Variants in ANKRD34C observed in about 807,000 individuals in gnomAD.
The protein encoded by ANKRD34C is ankyrin repeat domain 34C.
For missense variants in ANKRD34C, 563 were observed against 653.0 expected, an observed-to-expected ratio of 0.86 and a Z score of 1.50; for synonymous variants, 260 against 253.6, an observed-to-expected ratio of 1.03 and a Z score of -0.24.
rs1231930284 is a variant in ANKRD34C, at chr15:79,295,311, C to A, written c.*419C>A. Reference sequence around the variant, plus strand: ...AACATTTGTTAGAATGTACAAAAGCCCCAAACCAAACCCTCAGTGACTAAA... The same window carrying A: ...AACATTTGTTAGAATGTACAAAAGCACCAAACCAAACCCTCAGTGACTAAA... On this transcript the variant is annotated 3_prime_UTR_variant, in exon 2 of 2. Coordinates refer to ENST00000421388, the MANE Select transcript of ANKRD34C (RefSeq NM_001146341.2). 2 of 175,952 alleles carry A rather than the reference C, an allele frequency of 1.1e-5. No individual in the cohort carries two copies. Among genetic ancestry groups the A allele is most frequent in the Non-Finnish European group, 2.7e-5 (2 of 73,572 alleles). The allele number at this position is 175,952 out of a possible 1,614,324, so 10.9% of individuals were successfully genotyped here. A position where few individuals can be genotyped will look rare whatever the true frequency, so the allele number is the denominator to read the frequency against.
chr15:79,291,537 AAGAG>A (rs1390019364), intron 1 of ANKRD34C, among the ~76,000 whole-genome samples: 8 of 142,898 alleles, frequency 5.6e-5, no homozygotes, highest in Non-Finnish European at 1.1e-4. Context: ...AATTGACAGA[AAGAG>A]AGGAGAGAAA....
intron 1 of ANKRD34C, among the ~76,000 whole-genome samples, chr15:79,292,283 A>G (rs971919049): frequency 2.0e-5 from 3 of 152,180 alleles, no homozygotes; most frequent in African/African-American, 7.2e-5. Flanking sequence ...ATCTCTTCTT[A>G]TTTGTGAAGG....
chr15:79,285,322 G>A (rs1260105889), intron 1 of ANKRD34C, among the ~76,000 whole-genome samples: 2 of 152,102 alleles, frequency 1.3e-5, no homozygotes, highest in Non-Finnish European at 2.9e-5. Flanking sequence ...TGCCCTCTGT[G>A]AGATCTTCAC....
In ANKRD34C at chr15:79,293,710, C is replaced by G; in HGVS notation, c.426C>G (p.Cys142Trp). ...CATTGAAGCATCTCCTTGATGCCTGCAAAGCCAAAGGGAAGGAGGTGATTA... is the reference window on the plus strand; with the variant it reads ...CATTGAAGCATCTCCTTGATGCCTGGAAAGCCAAAGGGAAGGAGGTGATTA... ...KDALKHLLDA[C>W]KAKGKEVIII... The change falls in exon 2 of 2, where the codon TGC becomes TGG. Residue 142 changes from cysteine (C) to tryptophan (W), a missense_variant. Cys to Trp is a radical substitution (Grantham distance 215). Transcript: ENST00000421388. The G allele has an allele frequency of 6.4e-7, 1 of 1,551,638 alleles. No individual in the cohort carries two copies. The highest frequency in any genetic ancestry group is 1.4e-5 in the African/African-American group (1 of 73,162).
At chr15:79,292,964 C>G (rs1304168495) in intron 1 of ANKRD34C, among the ~76,000 whole-genome samples, 3 of 152,202 alleles carry the variant, frequency 2.0e-5, no homozygotes, top group Non-Finnish European at 4.4e-5. Flanking sequence ...CTATGTTAGG[C>G]TTTATGTTAA....
intron 1 of ANKRD34C, among the ~76,000 whole-genome samples, chr15:79,285,614 C>A (rs1269505544): frequency 6.6e-6 from 1 of 152,224 alleles, no homozygotes; most frequent in Non-Finnish European, 1.5e-5. Context: ...ATTTTACTTT[C>A]ATACACAAAC....
chr15:79,290,950 T>C (rs1366499140), intron 1 of ANKRD34C, among the ~76,000 whole-genome samples: 1 of 152,200 alleles, frequency 6.6e-6, no homozygotes. Flanking sequence ...AATGGTATTT[T>C]GTTTTGCTTT....
In ANKRD34C at chr15:79,296,454, A is replaced by G. The variant is rs1431720050; in HGVS notation, c.*1562A>G. The stretch of plus-strand genomic sequence containing the variant: ...GCTGAAGCAATATCTCAAATAATAC[A>G]TACGCTACACAAAATGGAATAAAGT... On this transcript the variant is annotated 3_prime_UTR_variant, in exon 2 of 2. Coordinates refer to ENST00000421388, the MANE Select transcript of ANKRD34C (RefSeq NM_001146341.2). 1 of 167,166 alleles carries G rather than the reference A, an allele frequency of 6.0e-6. No homozygotes were observed. The highest frequency in any genetic ancestry group is 1.5e-5 in the Non-Finnish European group (1 of 68,132). 10.4% of individuals were successfully genotyped at this position (167,166 alleles called of 1,614,324 possible).
rs1326759471 is a variant in ANKRD34C, at chr15:79,296,099, T to G, written c.*1207T>G. On this transcript the variant is annotated 3_prime_UTR_variant, in exon 2 of 2. Transcript: ENST00000421388. ...TTTGGTTATTTCCATTTATGTTTCC[T>G]CTCGTGCTGCTGAGATCTATTTGCT... 1 of 167,122 alleles carries G rather than the reference T, an allele frequency of 6.0e-6. No individual in the cohort carries two copies. The highest frequency in any genetic ancestry group is 1.5e-5 in the Non-Finnish European group (1 of 68,132). The allele number at this position is 167,122 out of a possible 1,614,324, so 10.4% of individuals were successfully genotyped here.
chr15:79,293,709 G>A lies in ANKRD34C; in HGVS notation c.425G>A (p.Cys142Tyr). 1 of 1,551,662 alleles carries A rather than the reference G, an allele frequency of 6.4e-7. No homozygotes were observed. The highest frequency in any genetic ancestry group is 1.2e-5 in the South Asian group (1 of 84,046). ...KDALKHLLDA[C>Y]KAKGKEVIII... ...GCATTGAAGCATCTCCTTGATGCCT[G>A]CAAAGCCAAAGGGAAGGAGGTGATT... Residue 142 changes from cysteine to tyrosine, a missense_variant, in exon 2 of 2, where the codon TGC becomes TAC. Coordinates refer to ENST00000421388, the MANE Select transcript of ANKRD34C (RefSeq NM_001146341.2).
intron 1 of ANKRD34C, among the ~76,000 whole-genome samples, chr15:79,284,505 A>G (rs541377156): frequency 6.6e-6 from 1 of 152,172 alleles, no homozygotes; most frequent in South Asian, 2.1e-4. Flanking sequence ...GCAAACTGGG[A>G]ATTGTGGTTG....
At position 79,296,499 on chromosome 15, in the gene ANKRD34C, T is replaced by C. The variant is rs1277435634; in HGVS notation, c.*1607T>C. 6.0e-6 allele frequency: 1 copy of C among 167,130 alleles called. No individual in the cohort carries two copies. The highest frequency in any genetic ancestry group is 1.5e-5 in the Non-Finnish European group (1 of 68,126). 10.4% of individuals were successfully genotyped at this position (167,130 alleles called of 1,614,324 possible). A position where few individuals can be genotyped will look rare whatever the true frequency, so the allele number is the denominator to read the frequency against. On this transcript the variant is annotated 3_prime_UTR_variant, in exon 2 of 2. Transcript: ENST00000421388. ...TAAAGTTTCTCTGGAAAAGTTCAAG[T>C]ATCTCTATGAGATCCCCAGTTATTT...
chr15:79,296,414 G>A lies in ANKRD34C; in HGVS notation c.*1522G>A, dbSNP rs1375848547. ...TGGATAAGAAGTAGCTAATTTTAAT[G>A]TATTTCTTGAGACTGCTGAAGCAAT... On this transcript the variant is annotated 3_prime_UTR_variant, in exon 2 of 2. Transcript: ENST00000421388. The A allele has an allele frequency of 6.0e-6, 1 of 167,080 alleles. No individual in the cohort carries two copies. Among genetic ancestry groups the A allele is most frequent in the Non-Finnish European group, 1.5e-5 (1 of 68,116 alleles). 10.3% of individuals were successfully genotyped at this position (167,080 alleles called of 1,614,324 possible).
Position 79,294,704 on chromosome 15 carries a change from A to G in ANKRD34C, c.1420A>G (p.Ile474Val). ...PPLNVNLNPP[I>V]PDIRSSSKPS... ...TTTAAATGTGAATCTGAACCCGCCT[A>G]TTCCAGATATTAGATCTAGCAGCAA... Residue 474 changes from isoleucine to valine, a missense_variant, in exon 2 of 2, where the codon ATT (isoleucine) becomes GTT (valine). Coordinates refer to ENST00000421388, the MANE Select transcript of ANKRD34C (RefSeq NM_001146341.2). 6.4e-7 allele frequency: 1 copy of G among 1,551,736 alleles called. No homozygotes were observed. The highest frequency in any genetic ancestry group is 2.4e-5 in the East Asian group (1 of 40,926).
rs1326209984 is a variant in ANKRD34C at position 79,298,204 on chromosome 15, C to G, written c.*3312C>G. 6.0e-6 allele frequency: 1 copy of G among 166,650 alleles called. No homozygotes were observed. The highest frequency in any genetic ancestry group is 1.5e-5 in the Non-Finnish European group (1 of 68,118). 10.3% of individuals were successfully genotyped at this position (166,650 alleles called of 1,614,324 possible). On this transcript the variant is annotated 3_prime_UTR_variant, in exon 2 of 2. Coordinates refer to ENST00000421388, the MANE Select transcript of ANKRD34C (RefSeq NM_001146341.2). The stretch of plus-strand genomic sequence containing the variant: ...ATGTAATGACACCTTTTAGATGTTT[C>G]TAATATGTCAATAAATGATATATTG...
Position 79,282,876 on chromosome 15 carries a change from A to G in ANKRD34C, c.-397A>G, listed in dbSNP as rs1008903081. Among the ~76,000 whole-genome samples the G allele has an allele frequency of 1.3e-5, 2 of 152,224 alleles. No homozygotes were observed. Among genetic ancestry groups the G allele is most frequent in the Admixed American group, 6.5e-5 (1 of 15,286 alleles). On this transcript the variant is annotated 5_prime_UTR_variant, in exon 1 of 2. Coordinates refer to ENST00000421388, the MANE Select transcript of ANKRD34C (RefSeq NM_001146341.2). ...CAGCGCGGAACCGGGGGCGATTCCT[A>G]TCTTTCTTTCATGCTTCTTTCTTTT...
At chr15:79,292,040 A>G (rs1185236517) in intron 1 of ANKRD34C, among the ~76,000 whole-genome samples, 1 of 152,264 alleles carries the variant, frequency 6.6e-6, no homozygotes. Context: ...TTGCCTTCCA[A>G]CTAAATAGAG....
At chr15:79,291,558 TCACACACACACACACACACACA>T in intron 1 of ANKRD34C, among the ~76,000 whole-genome samples, 1 of 51,038 alleles carries the variant, frequency 2.0e-5, no homozygotes, top group East Asian at 3.8e-4. Context: ...GAAAGACCAT[TCACACACACACACACACACACA>T]CACACACACA....
chr15:79,293,516 C>G lies in ANKRD34C; in HGVS notation c.232C>G (p.Pro78Ala). 1 of 1,551,474 alleles carries G rather than the reference C, an allele frequency of 6.4e-7. No homozygotes were observed. The highest frequency in any genetic ancestry group is 8.7e-7 in the Non-Finnish European group (1 of 1,146,900). The change falls in exon 2 of 2, where the codon CCC becomes GCC. Residue 78 changes from proline (P) to alanine (A), a missense_variant. Pro to Ala is a conservative substitution (Grantham distance 27). Transcript: ENST00000421388. ...VKYLLDNRAD[P>A]NIQDKSGKTA... ...GTACCTGCTGGACAACAGGGCAGAC[C>G]CCAATATCCAAGATAAGTCTGGCAA...
Sources: gnomAD v4.1 joint callset for allele counts (sites outside exome capture counted in the v4.1 genomes callset) on GRCh38, gnomAD v4.1.1 for gene constraint, MANE v1.5 for transcripts, NCBI Gene and HGNC (gene_info 2026-07-23, HGNC 2026-07-21) for gene names.